DAB1: variants seen among roughly 807,000 people sequenced by gnomAD.
DAB1 encodes DAB adaptor protein 1.
DAB1 carries 15 observed loss-of-function variants against 64.6 expected under a neutral mutation model. That is an observed-to-expected ratio of 0.23 (90% CI 0.16 to 0.36). DAB1 has a LOEUF of 0.36. DAB1 is among the 10% of genes least tolerant of loss of function. DAB1 has a pLI of 1.00. For missense variants in DAB1, 596 were observed against 706.7 expected, an observed-to-expected ratio of 0.84 and a Z score of 1.78; for synonymous variants, 235 against 251.9, an observed-to-expected ratio of 0.93 and a Z score of 0.64.
intron 1 of DAB1, among the ~76,000 whole-genome samples, chr1:57,402,420 T>C (rs1683319077): frequency 6.6e-6 from 1 of 152,348 alleles, no homozygotes; most frequent in African/African-American, 2.4e-5. Context: ...AGATGTGATA[T>C]GTTACAGTCA....
chr1:57,755,663 T>G (rs1324895881), intron 6 of DAB1, among the ~76,000 whole-genome samples: 1 of 152,214 alleles, frequency 6.6e-6, no homozygotes, highest in Non-Finnish European at 1.5e-5. Context: ...ATCAACTTCC[T>G]GTTCATTCAT....
At chr1:57,613,516 T>A (rs1273540874) in intron 7 of DAB1, among the ~76,000 whole-genome samples, 3 of 152,198 alleles carry the variant, frequency 2.0e-5, no homozygotes, top group Non-Finnish European at 2.9e-5. Flanking sequence ...GCCGATTAAG[T>A]AACCAATTTA....
downstream of DAB1, among the ~76,000 whole-genome samples, chr1:57,824,022 A>G (rs1286686245): frequency 6.6e-6 from 1 of 152,246 alleles, no homozygotes; most frequent in African/African-American, 2.4e-5. Context: ...GCTGCTGATG[A>G]TAATAATCAT....
intron 3 of DAB1, among the ~76,000 whole-genome samples, chr1:58,490,633 A>G (rs1249569648): frequency 6.6e-6 from 1 of 152,040 alleles, no homozygotes; most frequent in Non-Finnish European, 1.5e-5. Flanking sequence ...TCCAAGACAC[A>G]TAATTGTCAG....
chr1:58,048,541 AC>A, intron 5 of DAB1: 1 of 1,159,740 alleles, frequency 8.6e-7, no homozygotes. Context: ...CTCCATAACC[AC>A]CATAATTGCC....
intron 6 of DAB1, among the ~76,000 whole-genome samples, chr1:57,778,454 T>C (rs1442606890): frequency 6.6e-6 from 1 of 151,964 alleles, no homozygotes. Flanking sequence ...GTCTGTTGAC[T>C]TCTTATCAAG....
intron 2 of DAB1, among the ~76,000 whole-genome samples, chr1:57,245,954 G>A (rs1668839699): frequency 6.6e-6 from 1 of 152,348 alleles, no homozygotes; most frequent in African/African-American, 2.4e-5. Flanking sequence ...GTTTCTAAAA[G>A]TGTACATGCA....
At position 57,515,037 on chromosome 1, in the gene DAB1, C is replaced by G. The variant is rs569173662; in HGVS notation, n.625+134555G>C. ...GCTGTAAAATTTTCCCGTGGAAGAA[C>G]GGAAACGAAGGTATATCTCTCTTTA... On this transcript the variant is annotated intron_variant and non_coding_transcript_variant, in intron 7 of 20. Transcript: ENST00000485760. Among the ~76,000 whole-genome samples the G allele has an allele frequency of 1.8e-4, 28 of 151,852 alleles. No homozygotes were observed. In the East Asian group the frequency reaches 5.4e-3, roughly 29 times the overall value.
At chr1:57,896,837 A>C (rs560522598) in intron 5 of DAB1, among the ~76,000 whole-genome samples, 2 of 152,284 alleles carry the variant, frequency 1.3e-5, no homozygotes, top group South Asian at 4.1e-4. Context: ...TTTGAGGCAA[A>C]ATCAGAAAAC....
intron 9 of DAB1, among the ~76,000 whole-genome samples, chr1:57,030,386 G>T (rs1048070993): frequency 1.2e-4 from 19 of 152,184 alleles, no homozygotes; most frequent in African/African-American, 4.6e-4. Flanking sequence ...GTTTAAGAAG[G>T]TTTTCTAAAG....
chr1:57,080,614 G>A (rs1652408991), intron 4 of DAB1, among the ~76,000 whole-genome samples: 1 of 152,160 alleles, frequency 6.6e-6, no homozygotes, highest in Admixed American at 6.5e-5. Flanking sequence ...CCAGCTGAGG[G>A]TATTCCAGAC....
intron 6 of DAB1, among the ~76,000 whole-genome samples, chr1:57,738,450 C>T (rs1214689512): frequency 2.0e-5 from 3 of 152,136 alleles, no homozygotes; most frequent in Non-Finnish European, 4.4e-5. Context: ...ATACTAATCA[C>T]ACTAATTGGG....
chr1:57,551,588 G>C (rs1173403671), intron 7 of DAB1, among the ~76,000 whole-genome samples: 1 of 152,246 alleles, frequency 6.6e-6, no homozygotes, highest in African/African-American at 2.4e-5. Context: ...GATGGGAGAG[G>C]GGGTGGCGTT....
chr1:57,483,652 C>A (rs1644052562), intron 7 of DAB1, among the ~76,000 whole-genome samples: 1 of 151,946 alleles, frequency 6.6e-6, no homozygotes, highest in Non-Finnish European at 1.5e-5. Flanking sequence ...TGCTCCGTTG[C>A]CCAGGCTGGA....
chr1:57,964,586 T>G (rs1313470039), intron 5 of DAB1, among the ~76,000 whole-genome samples: 1 of 152,218 alleles, frequency 6.6e-6, no homozygotes, highest in Non-Finnish European at 1.5e-5. Context: ...GCACTACTCA[T>G]GTTTCCAGCA....
chr1:57,894,299 T>A (rs994493378), intron 5 of DAB1, among the ~76,000 whole-genome samples: 1 of 152,210 alleles, frequency 6.6e-6, no homozygotes, highest in Non-Finnish European at 1.5e-5. Context: ...CTCAGTCAAA[T>A]TCTTTCTTCT....
At chr1:57,923,195 A>G (rs187654895) in intron 5 of DAB1, among the ~76,000 whole-genome samples, 4 of 152,244 alleles carry the variant, frequency 2.6e-5, no homozygotes, top group Admixed American at 2.6e-4. Flanking sequence ...GTTTTGTATA[A>G]AAGAGCTCAA....
chr1:57,462,036 C>G (rs1686802168), intron 7 of DAB1, among the ~76,000 whole-genome samples: 3 of 150,586 alleles, frequency 2.0e-5, no homozygotes, highest in Admixed American at 1.3e-4. Flanking sequence ...TCATTGCAAC[C>G]CCCACCTCCC....
chr1:57,960,596 T>A (rs1347406064), intron 5 of DAB1, among the ~76,000 whole-genome samples: 1 of 152,126 alleles, frequency 6.6e-6, no homozygotes, highest in Non-Finnish European at 1.5e-5. Flanking sequence ...TTCAGTAGTA[T>A]AAAAGATGAA....
Sources: gnomAD v4.1 joint callset for allele counts (sites outside exome capture counted in the v4.1 genomes callset) on GRCh38, gnomAD v4.1.1 for gene constraint, MANE v1.5 for transcripts, NCBI Gene and HGNC (gene_info 2026-07-23, HGNC 2026-07-21) for gene names.